COL22A1: variants seen among roughly 807,000 people sequenced by gnomAD.
COL22A1 encodes collagen type XXII alpha 1 chain.
COL22A1 carries 221 observed loss-of-function variants against 248.9 expected under a neutral mutation model. The ratio of observed to expected loss-of-function variants is 0.89; its 90% CI spans 0.80 to 0.99. The LOEUF (loss-of-function observed/expected upper bound fraction) is 0.99. Ranked by LOEUF, COL22A1 falls within the 50% of genes least tolerant of loss-of-function variation. The pLI, the probability that COL22A1 is intolerant of heterozygous loss-of-function variation, is 0.00. For synonymous variants in COL22A1, 891 were observed against 793.4 expected, an observed-to-expected ratio of 1.12 and a Z score of -2.07; for missense variants, 2,240 against 2,179.0, an observed-to-expected ratio of 1.03 and a Z score of -0.56.
intron 41 of COL22A1, among the ~76,000 whole-genome samples, chr8:138,676,182 G>A (rs1228486833): frequency 6.6e-6 from 1 of 151,914 alleles, no homozygotes; most frequent in Non-Finnish European, 1.5e-5. Flanking sequence ...GGATCACAAG[G>A]TCAGGAGTTC....
At chr8:138,902,737 T>TACACAC (rs777413704) in intron 1 of COL22A1, among the ~76,000 whole-genome samples, 2,866 of 106,948 alleles carry the variant, frequency 0.027, 56 homozygotes, top group East Asian at 0.045. Context: ...TATATATATA[T>TACACAC]ATACACACAC....
intron 24 of COL22A1, 148 bp downstream of exon 24, chr8:138,725,239 T>G: frequency 2.4e-6 from 2 of 841,806 alleles, no homozygotes; most frequent in Non-Finnish European, 4.1e-6. Flanking sequence ...AGCTGGCGGT[T>G]CTACGTGTCG....
At chr8:138,703,247 G>C in intron 31 of COL22A1, 59 bp downstream of exon 31, 1 of 1,403,036 alleles carries the variant, frequency 7.1e-7, no homozygotes, top group Admixed American at 1.7e-5. Context: ...GCTGGAGGGG[G>C]AGTACGAATC....
At chr8:138,806,356 T>G (rs1817730969) in intron 10 of COL22A1, among the ~76,000 whole-genome samples, 1 of 151,662 alleles carries the variant, frequency 6.6e-6, no homozygotes, top group African/African-American at 2.4e-5. Flanking sequence ...GTGTCCGTAG[T>G]GTCACATCCT....
intron 1 of COL22A1, among the ~76,000 whole-genome samples, chr8:138,887,896 TTGAG>T (rs1223310276): frequency 6.6e-6 from 1 of 152,198 alleles, no homozygotes. Context: ...CTTGTTAGCA[TTGAG>T]TATTATCACT....
At chr8:138,643,464 G>T (rs899998311) in intron 47 of COL22A1, among the ~76,000 whole-genome samples, 5 of 152,108 alleles carry the variant, frequency 3.3e-5, no homozygotes, top group East Asian at 1.9e-4. Context: ...AGAATTATTG[G>T]TTTTTTGCTT....
At chr8:138,850,381 C>T (rs1195105186) in intron 3 of COL22A1, among the ~76,000 whole-genome samples, 1 of 152,200 alleles carries the variant, frequency 6.6e-6, no homozygotes, top group African/African-American at 2.4e-5. Context: ...GACAAAATAT[C>T]GCCAGAAAGG....
At chr8:138,596,332 A>C (rs144076861) in intron 62 of COL22A1, among the ~76,000 whole-genome samples, 4 of 152,096 alleles carry the variant, frequency 2.6e-5, no homozygotes, top group Non-Finnish European at 5.9e-5. Context: ...GCCTTCATAC[A>C]TGTTGCTCCA....
At chr8:138,805,333 C>CTGTGTGATGGTGTGGA (rs766428736) in intron 10 of COL22A1, among the ~76,000 whole-genome samples, 19,880 of 115,106 alleles carry the variant, frequency 0.17, 1,787 homozygotes, top group South Asian at 0.29. Context: ...GATGGTGTGG[C>CTGTGTGATGGTGTGGA]TGTGTGATGG....
rs560722770 is a variant in COL22A1 at position 138,793,098 on chromosome 8, T to C, written c.1596+3721A>G. 8.5e-5 allele frequency among the ~76,000 whole-genome samples: 13 copies of C among 152,246 alleles called. No individual in the cohort carries two copies. The South Asian group carries it at 2.5e-3, about 29-fold the overall frequency. On this transcript the variant is annotated intron_variant, in intron 12 of 64. Transcript: ENST00000303045. ...CGCAGTGGTTAATTACAATTCCAAA[T>C]ATATAAAAAGAAACAGCCAGAATAA...
In COL22A1 at chr8:138,779,564, T is replaced by G. The variant is rs200334323; in HGVS notation, c.1651-2A>C. 1 of 1,611,370 alleles carries G rather than the reference T, an allele frequency of 6.2e-7. No homozygotes were observed. Among genetic ancestry groups the G allele is most frequent in the South Asian group, 1.1e-5 (1 of 91,026 alleles). Reference sequence around the variant, plus strand: ...CTCTCCCAGCTCTCCTGGCTCCCCCTGAACAAACAAAACAACACAAAGTCA... The same window carrying G: ...CTCTCCCAGCTCTCCTGGCTCCCCCGGAACAAACAAAACAACACAAAGTCA... On this transcript the variant is annotated splice_acceptor_variant, in intron 13 of 64. Transcript: ENST00000303045. LOFTEE classifies it high-confidence loss of function.
intron 12 of COL22A1, among the ~76,000 whole-genome samples, chr8:138,784,954 C>T (rs1191756893): frequency 6.6e-6 from 1 of 152,196 alleles, no homozygotes; most frequent in African/African-American, 2.4e-5. Flanking sequence ...TCCGAACTCA[C>T]ATCAGTTCCC....
chr8:138,873,886 A>G (rs1443438299), intron 3 of COL22A1, among the ~76,000 whole-genome samples: 1 of 152,244 alleles, frequency 6.6e-6, no homozygotes, highest in Non-Finnish European at 1.5e-5. Flanking sequence ...ATCTAACTCA[A>G]TGACTACTAC....
intron 1 of COL22A1, among the ~76,000 whole-genome samples, chr8:138,891,896 G>C (rs6999051): frequency 0.59 from 89,722 of 152,122 alleles, 28,287 homozygotes; most frequent in East Asian, 0.85. Context: ...ACCCCTGGGA[G>C]GGAAGAGCAT....
intron 12 of COL22A1, 78 bp from the exon 13 acceptor site, chr8:138,781,058 C>T (rs532775139): frequency 7.7e-5 from 81 of 1,050,144 alleles, no homozygotes; most frequent in East Asian, 6.6e-4. Flanking sequence ...CAGTGGAGAA[C>T]GTGCCAGGAA....
intron 43 of COL22A1, among the ~76,000 whole-genome samples, chr8:138,660,915 GACAC>G (rs1336630747): frequency 3.2e-5 from 1 of 31,424 alleles, no homozygotes; most frequent in Non-Finnish European, 6.7e-5. Context: ...CACATACACA[GACAC>G]ACACACAGAC....
At chr8:138,906,538 G>A (rs1279199755) in intron 1 of COL22A1, among the ~76,000 whole-genome samples, 1 of 151,522 alleles carries the variant, frequency 6.6e-6, no homozygotes, top group Non-Finnish European at 1.5e-5. Context: ...GTCTCAACTG[G>A]GTGTTCAATG....
chr8:138,600,859 C>G (rs948878200), intron 60 of COL22A1, among the ~76,000 whole-genome samples: 9 of 152,202 alleles, frequency 5.9e-5, no homozygotes, highest in Non-Finnish European at 1.2e-4. Flanking sequence ...GATATTTGTA[C>G]ACCTGGATGC....
intron 3 of COL22A1, among the ~76,000 whole-genome samples, chr8:138,863,830 CAATGTGT>C (rs1252033518): frequency 6.6e-6 from 1 of 152,180 alleles, no homozygotes; most frequent in African/African-American, 2.4e-5. Context: ...TGAATCTTTG[CAATGTGT>C]CTATGCAGGA....
Sources: gnomAD v4.1 joint callset for allele counts (sites outside exome capture counted in the v4.1 genomes callset) on GRCh38, gnomAD v4.1.1 for gene constraint, MANE v1.5 for transcripts, NCBI Gene and HGNC (gene_info 2026-07-23, HGNC 2026-07-21) for gene names.